The following LRP12 variants were observed in gnomAD, a reference collection of about 807,000 sequenced individuals.
LRP12 encodes LDL receptor related protein 12.
In LRP12, 14 loss-of-function variants were observed where a neutral mutation model predicts 66.0. The ratio of observed to expected loss-of-function variants is 0.21; its 90% CI spans 0.14 to 0.33. The LOEUF (loss-of-function observed/expected upper bound fraction) is 0.33, where lower values mean the gene tolerates loss of function less well. Among genes scored for constraint, LRP12 ranks in the 10% least tolerant of loss-of-function variants. The pLI is 1.00. For missense variants in LRP12, 889 were observed against 1,053.4 expected, an observed-to-expected ratio of 0.84 and a Z score of 2.16; for synonymous variants, 357 against 359.1, an observed-to-expected ratio of 0.99 and a Z score of 0.07.
chr8:104,534,151 CAAAT>C (rs1423483381), intron 1 of LRP12, among the ~76,000 whole-genome samples: 9 of 147,576 alleles, frequency 6.1e-5, no homozygotes, highest in African/African-American at 1.5e-4. Flanking sequence ...ATTCAATAAA[CAAAT>C]AATTATATAT....
Position 104,530,559 on chromosome 8 carries a change from T to C in LRP12, c.136+1348A>G, listed in dbSNP as rs574752000. ...CACTTTGATGTTGGACTTTCAGAACTGTGAGAAAAACTGATGTCTGTTATT... is the reference window on the plus strand; with the variant it reads ...CACTTTGATGTTGGACTTTCAGAACCGTGAGAAAAACTGATGTCTGTTATT... On this transcript the variant is annotated intron_variant, in intron 2 of 6. Transcript: ENST00000276654. Among the ~76,000 whole-genome samples the C allele has an allele frequency of 1.3e-3, 198 of 152,274 alleles. 1 individual carries two copies. Among genetic ancestry groups the C allele is most frequent in the Non-Finnish European group, 1.3e-3 (91 of 68,026 alleles).
At chr8:104,542,632 T>C (rs1276217441) in intron 1 of LRP12, among the ~76,000 whole-genome samples, 1 of 152,168 alleles carries the variant, frequency 6.6e-6, no homozygotes, top group Non-Finnish European at 1.5e-5. Flanking sequence ...AAAATCTGCA[T>C]ATAACTTTTG....
At chr8:104,531,000 C>T (rs899997966) in intron 2 of LRP12, among the ~76,000 whole-genome samples, 3 of 152,106 alleles carry the variant, frequency 2.0e-5, no homozygotes, top group Non-Finnish European at 4.4e-5. Flanking sequence ...GACTAGGGCA[C>T]ACTAACCCTT....
intron 2 of LRP12, among the ~76,000 whole-genome samples, chr8:104,516,128 A>G (rs1811069630): frequency 6.6e-6 from 1 of 152,186 alleles, no homozygotes; most frequent in South Asian, 2.1e-4. Context: ...ACAAATATTC[A>G]AGTACTTTGG....
Position 104,490,399 on chromosome 8 carries a change from G to T in LRP12, c.*274C>A. On this transcript the variant is annotated 3_prime_UTR_variant, in exon 7 of 7. Transcript: ENST00000276654. The stretch of plus-strand genomic sequence containing the variant: ...GTTTCAGCAGCCACATTTCTACAGT[G>T]AACTACAGTATCAGGATGAAAACAA... 1 of 328,842 alleles carries T rather than the reference G, an allele frequency of 3.0e-6. No individual in the cohort carries two copies. The highest frequency in any genetic ancestry group is 5.5e-6 in the Non-Finnish European group (1 of 180,868). 20.4% of individuals were successfully genotyped at this position (328,842 alleles called of 1,614,324 possible).
chr8:104,496,825 T>TC (rs1810735267), intron 5 of LRP12, 147 bp downstream of exon 5: 4 of 747,454 alleles, frequency 5.4e-6, no homozygotes, highest in Non-Finnish European at 7.6e-6. Flanking sequence ...CTCGGGTTTT[T>TC]CACGCTAATT....
At position 104,498,207 on chromosome 8, in the gene LRP12, C is replaced by T. The variant is rs1810768827; in HGVS notation, c.476-131G>A. The T allele has an allele frequency of 3.2e-6, 3 of 942,848 alleles. No individual in the cohort carries two copies. The African/African-American group carries it at 5.0e-5, about 16-fold the overall frequency. 58.4% of individuals were successfully genotyped at this position (942,848 alleles called of 1,614,324 possible). The stretch of plus-strand genomic sequence containing the variant: ...CCCAAGTGCTAGAAGTTTTAAAAAA[C>T]AGGTTGGTTTTTTAATATTTTAATT... On this transcript the variant is annotated intron_variant, in intron 4 of 6. Transcript: ENST00000276654.
At chr8:104,560,908 C>A (rs138567064) in intron 1 of LRP12, among the ~76,000 whole-genome samples, 3 of 152,276 alleles carry the variant, frequency 2.0e-5, no homozygotes, top group Non-Finnish European at 4.4e-5. Context: ...AAAGAAGCCA[C>A]ATCAGCTGTC....
At chr8:104,509,105 T>G (rs1810952956) in intron 2 of LRP12, 31 bp from the exon 3 acceptor site, 1 of 1,604,408 alleles carries the variant, frequency 6.2e-7, no homozygotes, top group Non-Finnish European at 8.5e-7. Flanking sequence ...TCTTTCCTTA[T>G]TATTACACAT....
chr8:104,567,120 C>A (rs1360318035), intron 1 of LRP12, among the ~76,000 whole-genome samples: 1 of 151,954 alleles, frequency 6.6e-6, no homozygotes, highest in Non-Finnish European at 1.5e-5. Context: ...CAACACCATA[C>A]CAGAGGTTTT....
chr8:104,535,633 AAAC>A lies in LRP12; in HGVS notation c.80-3673_80-3671del, dbSNP rs1399885183. On this transcript the variant is annotated intron_variant, in intron 1 of 6. Transcript: ENST00000276654. ...CAAGCGTTCACTCAGCTAATCCTTA[AAAC>A]AACAGTTCATTTTACAAATGAGAAA... 2.6e-5 allele frequency among the ~76,000 whole-genome samples: 4 copies of A among 152,130 alleles called. No individual in the cohort carries two copies. The East Asian group carries it at 7.7e-4, about 29-fold the overall frequency.
At position 104,523,137 on chromosome 8, in the gene LRP12, G is replaced by T. The variant is rs574626844; in HGVS notation, c.136+8770C>A. Among the ~76,000 whole-genome samples, 10 of 152,146 alleles carry T rather than the reference G, an allele frequency of 6.6e-5. No individual in the cohort carries two copies. The South Asian group carries it at 1.9e-3, about 28-fold the overall frequency. On this transcript the variant is annotated intron_variant, in intron 2 of 6. Transcript: ENST00000276654. ...GTTGACCTTTGAACAACATGGGTTT[G>T]AATTGTGTAAGTCCACTTATACATG...
intron 2 of LRP12, among the ~76,000 whole-genome samples, chr8:104,513,960 T>A (rs914724732): frequency 6.6e-6 from 1 of 152,192 alleles, no homozygotes; most frequent in African/African-American, 2.4e-5. Context: ...AAATCCGTCT[T>A]CAGAATATCC....
intron 1 of LRP12, among the ~76,000 whole-genome samples, chr8:104,560,350 CCT>C (rs1811885020): frequency 6.6e-6 from 1 of 151,758 alleles, no homozygotes. Flanking sequence ...GATGGATGTC[CCT>C]CTGTCAATCG....
chr8:104,501,703 CAAA>C (rs35580913), intron 3 of LRP12, among the ~76,000 whole-genome samples: 11 of 118,688 alleles, frequency 9.3e-5, no homozygotes, highest in Admixed American at 1.6e-4. Context: ...GACTCCACCT[CAAA>C]AAAAAAAAAA....
At chr8:104,530,436 C>G (rs1045419764) in intron 2 of LRP12, among the ~76,000 whole-genome samples, 1 of 152,142 alleles carries the variant, frequency 6.6e-6, no homozygotes, top group Non-Finnish European at 1.5e-5. Flanking sequence ...CTTGCTTTCT[C>G]TGAACATTCA....
intron 2 of LRP12, among the ~76,000 whole-genome samples, chr8:104,516,748 C>T (rs1811076359): frequency 6.6e-6 from 1 of 152,000 alleles, no homozygotes; most frequent in South Asian, 2.1e-4. Context: ...ATTAAGAAGA[C>T]ACATGAAAGA....
chr8:104,508,807 G>C, intron 3 of LRP12, 132 bp downstream of exon 3: 1 of 740,964 alleles, frequency 1.3e-6, no homozygotes, highest in Non-Finnish European at 2.1e-6. Context: ...GACACCAATA[G>C]CTAATAGCTG....
At chr8:104,547,602 T>TTA (rs1811605660) in intron 1 of LRP12, among the ~76,000 whole-genome samples, 1 of 120,168 alleles carries the variant, frequency 8.3e-6, no homozygotes, top group African/African-American at 3.5e-5. Flanking sequence ...TATATAATAA[T>TTA]TATTAATATA....
Sources: allele counts gnomAD v4.1 joint callset (sites outside exome capture counted in the v4.1 genomes callset), GRCh38; gene constraint gnomAD v4.1.1; transcripts MANE v1.5; gene names NCBI Gene and HGNC (gene_info 2026-07-23, HGNC 2026-07-21).